The following MTHFD2L variants were observed in gnomAD, a reference collection of about 807,000 sequenced individuals.
MTHFD2L encodes methylenetetrahydrofolate dehydrogenase (NADP+ dependent) 2 like, also known as bifunctional methylenetetrahydrofolate dehydrogenase/cyclohydrolase 2, mitochondrial.
Under a neutral mutation model 34.9 loss-of-function variants are expected in MTHFD2L, and 29 were observed. The ratio of observed to expected loss-of-function variants is 0.83; its 90% CI spans 0.62 to 1.13. MTHFD2L has a LOEUF of 1.13. MTHFD2L is among the 50% of genes most tolerant of loss of function. The pLI is 0.00. For missense variants in MTHFD2L, 481 were observed against 446.5 expected (o/e 1.08, Z -0.70); for synonymous variants, 167 against 155.7 (o/e 1.07, Z -0.54).
intron 6 of MTHFD2L, among the ~76,000 whole-genome samples, chr4:74,229,604 C>T (rs1739695747): frequency 6.6e-6 from 1 of 152,096 alleles, no homozygotes; most frequent in Non-Finnish European, 1.5e-5. Context: ...AGAGGAAATC[C>T]TGTGTGAAGA....
At chr4:74,255,478 G>C (rs918173879) in intron 6 of MTHFD2L, among the ~76,000 whole-genome samples, 6 of 152,114 alleles carry the variant, frequency 3.9e-5, no homozygotes, top group African/African-American at 9.7e-5. Flanking sequence ...TTTTTAAATA[G>C]TAAGTTCTTT....
chr4:74,208,303 A>AGTGTCTTCTAAAT (rs1735697822), intron 5 of MTHFD2L, among the ~76,000 whole-genome samples: 1 of 151,698 alleles, frequency 6.6e-6, no homozygotes, highest in South Asian at 2.1e-4. Flanking sequence ...TGTCTTCTAA[A>AGTGTCTTCTAAAT]TTCAGTGTCT....
intron 7 of MTHFD2L, among the ~76,000 whole-genome samples, chr4:74,290,127 C>A (rs992850235): frequency 5.9e-5 from 9 of 152,214 alleles, no homozygotes; most frequent in Admixed American, 4.6e-4. Flanking sequence ...CTCCACCAGG[C>A]AGGAAATCTC....
chr4:74,170,340 C>T (rs922868622), intron 1 of MTHFD2L, among the ~76,000 whole-genome samples: 18 of 152,104 alleles, frequency 1.2e-4, no homozygotes, highest in African/African-American at 4.1e-4. Flanking sequence ...TGATCAGTTA[C>T]CATATTAACA....
chr4:74,152,093 T>C (rs1453262831), intron 1 of MTHFD2L, among the ~76,000 whole-genome samples: 1 of 152,142 alleles, frequency 6.6e-6, no homozygotes, highest in Non-Finnish European at 1.5e-5. Flanking sequence ...CCTTTTATAA[T>C]ACCATCAAAT....
rs1222914290 is a variant in MTHFD2L at position 74,201,343 on chromosome 4, A to G, written c.685A>G (p.Thr229Ala). The change falls in exon 5 of 8, where the codon ACT becomes GCT. Residue 229 changes from threonine to alanine, a missense_variant. Physicochemically the swap from Thr to Ala is moderately conservative, Grantham distance 58. Transcript: ENST00000325278. The stretch of plus-strand genomic sequence containing the variant: ...GATGCCTATTGCCATGCTTTTACAC[A>G]CTGATGGAGAGCATGAACGGCCAGG... ...VGMPIAMLLH[T>A]DGEHERPGGD... is the part of the protein sequence containing the mutation. The G allele has an allele frequency of 1.9e-6, 3 of 1,613,526 alleles. No individual in the cohort carries two copies. The highest frequency in any genetic ancestry group is 1.3e-5 in the African/African-American group (1 of 74,898).
At chr4:74,124,687 A>C (rs940170859), upstream of MTHFD2L, among the ~76,000 whole-genome samples, 1 of 152,088 alleles carries the variant, frequency 6.6e-6, no homozygotes, top group East Asian at 1.9e-4. Context: ...CCCTTTGATG[A>C]AAGCAGTCCT....
chr4:74,140,620 A>G (rs1723220089), intron 1 of MTHFD2L: 1 of 798,818 alleles, frequency 1.3e-6, no homozygotes, highest in South Asian at 5.8e-5. Context: ...TCACACTGCT[A>G]TAAGGACATA....
intron 6 of MTHFD2L, chr4:74,267,310 T>C: frequency 1.3e-6 from 1 of 798,032 alleles, no homozygotes; most frequent in Non-Finnish European, 1.5e-6. Context: ...TTTTCTTTTC[T>C]TTCTTTCTCT....
intron 6 of MTHFD2L, among the ~76,000 whole-genome samples, chr4:74,278,900 C>T (rs866908123): frequency 2.0e-5 from 3 of 152,194 alleles, no homozygotes; most frequent in Non-Finnish European, 2.9e-5. Context: ...TTGACAAATG[C>T]TTTTCACAGA....
In MTHFD2L at chr4:74,301,355, A is replaced by C. The variant is rs145165351; in HGVS notation, c.932-342A>C. Among the ~76,000 whole-genome samples, 5 of 152,176 alleles carry C rather than the reference A, an allele frequency of 3.3e-5. No individual in the cohort carries two copies. The East Asian group carries it at 9.7e-4, about 29-fold the overall frequency. ...ATGTCCCTGTGTCCCTTTTGTGACC[A>C]GTATCATGTATTTTAGAATTAGTTA... On this transcript the variant is annotated intron_variant, in intron 7 of 7. Transcript: ENST00000325278.
At chr4:74,291,562 A>G (rs1158671788) in intron 7 of MTHFD2L, among the ~76,000 whole-genome samples, 1 of 152,174 alleles carries the variant, frequency 6.6e-6, no homozygotes, top group Non-Finnish European at 1.5e-5. Flanking sequence ...TACTCAGCAC[A>G]TATTTTGTGA....
chr4:74,264,320 A>G (rs1490625680), intron 6 of MTHFD2L, among the ~76,000 whole-genome samples: 1 of 152,002 alleles, frequency 6.6e-6, no homozygotes, highest in Non-Finnish European at 1.5e-5. Context: ...TCTATGAAAA[A>G]CCTACTAAAA....
chr4:74,164,578 C>T (rs1308622732), intron 1 of MTHFD2L, among the ~76,000 whole-genome samples: 1 of 152,212 alleles, frequency 6.6e-6, no homozygotes, highest in Non-Finnish European at 1.5e-5. Flanking sequence ...GAAAGAGCCA[C>T]TTTTGCAAAC....
rs1730792757 is a variant in MTHFD2L at position 74,184,587 on chromosome 4, T to G, written c.451+9184T>G. Among the ~76,000 whole-genome samples, 2 of 152,152 alleles carry G rather than the reference T, an allele frequency of 1.3e-5. 1 individual carries two copies. The highest frequency in any genetic ancestry group is 2.9e-5 in the Non-Finnish European group (2 of 68,020). On this transcript the variant is annotated intron_variant, in intron 3 of 7. Coordinates refer to ENST00000325278, the MANE Select transcript of MTHFD2L (RefSeq NM_001144978.3). ...AAAAATTATAGCCATGTTTCAAAACTTCTTAATAATGGAGAAAACAAGTAG... is the reference window on the plus strand; with the variant it reads ...AAAAATTATAGCCATGTTTCAAAACGTCTTAATAATGGAGAAAACAAGTAG...
exon 2 of MTHFD2L, chr4:74,114,624 T>A (rs1721628492): frequency 6.6e-6 from 1 of 152,180 alleles, no homozygotes; most frequent in African/African-American, 2.4e-5. Flanking sequence ...GTTCACCATT[T>A]CAGCCCTGTA....
upstream of MTHFD2L, among the ~76,000 whole-genome samples, chr4:74,154,056 T>G (rs1450759404): frequency 6.6e-6 from 1 of 152,202 alleles, no homozygotes; most frequent in Non-Finnish European, 1.5e-5. Context: ...ACTTTCCTTG[T>G]TTTTGATTGT....
intron 1 of MTHFD2L, among the ~76,000 whole-genome samples, chr4:74,150,699 G>C (rs1441705489): frequency 6.6e-6 from 1 of 151,890 alleles, no homozygotes. Context: ...TGTTTTAAAT[G>C]ACACACATCA....
chr4:74,270,800 G>A (rs1376490768), intron 6 of MTHFD2L, among the ~76,000 whole-genome samples: 2 of 152,014 alleles, frequency 1.3e-5, no homozygotes, highest in Admixed American at 6.6e-5. Context: ...GTGTCAAAGT[G>A]TTCCTATTTC....
Sources: allele counts gnomAD v4.1 joint callset (sites outside exome capture counted in the v4.1 genomes callset), GRCh38; gene constraint gnomAD v4.1.1; transcripts MANE v1.5; gene names NCBI Gene and HGNC (gene_info 2026-07-23, HGNC 2026-07-21).